Variants in SLC25A21 observed in about 807,000 individuals in gnomAD.
SLC25A21 encodes mitochondrial 2-oxodicarboxylate carrier.
Under a neutral mutation model 43.8 loss-of-function variants are expected in SLC25A21, and 47 were observed. That is an observed-to-expected ratio of 1.07 (90% CI 0.85 to 1.37). The LOEUF (loss-of-function observed/expected upper bound fraction) is 1.37. SLC25A21 is among the 40% of genes most tolerant of loss of function. The probability of loss-of-function intolerance (pLI) is 0.00; values close to 1 mark genes in which losing one functional copy is unlikely to be tolerated. For synonymous variants in SLC25A21, 131 were observed against 121.3 expected (o/e 1.08, Z -0.52); for missense variants, 352 against 350.2 (o/e 1.00, Z -0.04).
chr14:36,755,469 G>T (rs568275208), intron 3 of SLC25A21, among the ~76,000 whole-genome samples: 69 of 152,198 alleles, frequency 4.5e-4, no homozygotes, highest in African/African-American at 1.6e-3. Context: ...CTGTGGTGGC[G>T]GTCATTGATC....
intron 1 of SLC25A21, among the ~76,000 whole-genome samples, chr14:36,979,470 G>A (rs10141660): frequency 0.2 from 30,976 of 151,716 alleles, 3,377 homozygotes; most frequent in East Asian, 0.35. Flanking sequence ...ATTCTCCTGC[G>A]TCAGCCTCCC....
intron 1 of SLC25A21, among the ~76,000 whole-genome samples, chr14:37,058,480 G>A (rs1431445213): frequency 6.6e-6 from 1 of 152,164 alleles, no homozygotes; most frequent in Non-Finnish European, 1.5e-5. Context: ...TGTGAGATAT[G>A]GAAATTAATT....
intron 3 of SLC25A21, among the ~76,000 whole-genome samples, chr14:36,754,099 C>T (rs1314505356): frequency 6.6e-6 from 1 of 152,120 alleles, no homozygotes; most frequent in Non-Finnish European, 1.5e-5. Context: ...CTACAGGGTG[C>T]CCAGATATTT....
At chr14:37,112,160 T>C (rs1382700299) in intron 1 of SLC25A21, among the ~76,000 whole-genome samples, 1 of 152,156 alleles carries the variant, frequency 6.6e-6, no homozygotes, top group Non-Finnish European at 1.5e-5. Flanking sequence ...CACCTTATTC[T>C]AGAAAGGATT....
chr14:37,127,442 G>A (rs560775134), intron 1 of SLC25A21, among the ~76,000 whole-genome samples: 6 of 152,280 alleles, frequency 3.9e-5, no homozygotes, highest in South Asian at 4.1e-4. Context: ...TGCACAAAGC[G>A]TTATGAGCAC....
intron 1 of SLC25A21, among the ~76,000 whole-genome samples, chr14:37,148,611 A>C (rs1289104468): frequency 6.6e-6 from 1 of 152,182 alleles, no homozygotes; most frequent in Non-Finnish European, 1.5e-5. Context: ...ATATAAGCAA[A>C]ACAGGTCTCA....
chr14:36,737,461 A>T (rs1885089010), intron 3 of SLC25A21, among the ~76,000 whole-genome samples: 1 of 152,078 alleles, frequency 6.6e-6, no homozygotes, highest in African/African-American at 2.4e-5. Flanking sequence ...CCCTCCTCCC[A>T]TACCACCATC....
chr14:36,884,168 C>G (rs1890847670), intron 1 of SLC25A21, among the ~76,000 whole-genome samples: 1 of 152,146 alleles, frequency 6.6e-6, no homozygotes, highest in Non-Finnish European at 1.5e-5. Flanking sequence ...CTCTGGCAAC[C>G]TCCATTCTAG....
chr14:37,096,021 G>C (rs1329993208), intron 1 of SLC25A21, among the ~76,000 whole-genome samples: 1 of 152,016 alleles, frequency 6.6e-6, no homozygotes, highest in East Asian at 1.9e-4. Context: ...CCCAAAGTGA[G>C]AAATATTCTA....
chr14:37,056,639 C>A (rs1376629092), intron 1 of SLC25A21, among the ~76,000 whole-genome samples: 1 of 152,194 alleles, frequency 6.6e-6, no homozygotes, highest in African/African-American at 2.4e-5. Flanking sequence ...CAGATCCACA[C>A]ACAGTGAGCC....
At chr14:36,891,955 A>G (rs1175490570) in intron 1 of SLC25A21, among the ~76,000 whole-genome samples, 2 of 152,208 alleles carry the variant, frequency 1.3e-5, no homozygotes, top group African/African-American at 4.8e-5. Context: ...GGGCTGCTAC[A>G]TGAAAGAGAA....
At chr14:36,874,495 T>C (rs746520890) in intron 2 of SLC25A21, among the ~76,000 whole-genome samples, 10 of 152,226 alleles carry the variant, frequency 6.6e-5, no homozygotes, top group South Asian at 4.1e-4. Context: ...CCTGAAAATA[T>C]GGCATTTTGC....
chr14:36,819,443 T>G (rs1218038569), intron 2 of SLC25A21, among the ~76,000 whole-genome samples: 1 of 152,170 alleles, frequency 6.6e-6, no homozygotes, highest in Non-Finnish European at 1.5e-5. Context: ...ACTGTCTTCA[T>G]TGTGTGCTCA....
At chr14:36,800,191 T>C (rs939406291) in intron 3 of SLC25A21, among the ~76,000 whole-genome samples, 1 of 152,172 alleles carries the variant, frequency 6.6e-6, no homozygotes, top group African/African-American at 2.4e-5. Context: ...CATAGAATTA[T>C]CATATGCTCT....
At chr14:36,726,454 A>G (rs1052361342) in intron 5 of SLC25A21, among the ~76,000 whole-genome samples, 1 of 145,048 alleles carries the variant, frequency 6.9e-6, no homozygotes, top group African/African-American at 2.5e-5. Flanking sequence ...AAAAAAAAAG[A>G]AGAAGAAGAA....
chr14:36,756,345 G>A (rs1017083278), intron 3 of SLC25A21, among the ~76,000 whole-genome samples: 11 of 152,198 alleles, frequency 7.2e-5, no homozygotes, highest in Admixed American at 2.6e-4. Flanking sequence ...GGCTATGTAC[G>A]CGGCTTCACA....
intron 1 of SLC25A21, among the ~76,000 whole-genome samples, chr14:37,130,976 G>C (rs1963382924): frequency 6.6e-6 from 1 of 152,194 alleles, no homozygotes; most frequent in South Asian, 2.1e-4. Flanking sequence ...AAAAGCCAAA[G>C]TTAAATGCCC....
intron 3 of SLC25A21, among the ~76,000 whole-genome samples, chr14:36,736,350 C>T (rs1020511669): frequency 6.6e-6 from 1 of 152,118 alleles, no homozygotes; most frequent in African/African-American, 2.4e-5. Context: ...TTTTCCATTC[C>T]AATTTGAATT....
intron 2 of SLC25A21, among the ~76,000 whole-genome samples, chr14:36,863,223 A>T (rs1566685803): frequency 6.6e-6 from 1 of 152,206 alleles, no homozygotes; most frequent in East Asian, 1.9e-4. Flanking sequence ...TCTCATCCTC[A>T]GGCTGGGGTA....
Sources: gnomAD v4.1 joint callset for allele counts (sites outside exome capture counted in the v4.1 genomes callset) on GRCh38, gnomAD v4.1.1 for gene constraint, MANE v1.5 for transcripts, NCBI Gene and HGNC (gene_info 2026-07-23, HGNC 2026-07-21) for gene names.